Variants in TMEM176A observed in about 807,000 individuals in gnomAD.
TMEM176A encodes the protein hepatocellular carcinoma-associated antigen 112.
Under a neutral mutation model 27.9 loss-of-function variants are expected in TMEM176A, and 20 were observed. The observed-to-expected ratio is 0.72, with a 90% CI of 0.50 to 1.04. The LOEUF (loss-of-function observed/expected upper bound fraction) is 1.04. Among genes scored for constraint, TMEM176A ranks in the 50% least tolerant of loss-of-function variants. The probability of loss-of-function intolerance (pLI) is 0.00; values close to 1 mark genes in which losing one functional copy is unlikely to be tolerated. For missense variants in TMEM176A, 252 were observed against 289.1 expected (o/e 0.87, Z 0.93); for synonymous variants, 125 against 118.0 (o/e 1.06, Z -0.38).
chr7:150,803,217 C>G, intron 3 of TMEM176A, 183 bp from the exon 4 acceptor site: 1 of 1,337,460 alleles, frequency 7.5e-7, no homozygotes, highest in Non-Finnish European at 9.6e-7. Context: ...GGGCCTTTTG[C>G]AGCCTCAGGA....
intron 2 of TMEM176A, 83 bp downstream of exon 2, chr7:150,801,807 C>T: frequency 7.8e-7 from 1 of 1,282,360 alleles, no homozygotes; most frequent in Non-Finnish European, 1.0e-6. Context: ...CAGCCTCCCT[C>T]TGAACAGGAC....
chr7:150,800,969 G>A (rs1798759799), intron 1 of TMEM176A, 141 bp downstream of exon 1: 20 of 985,952 alleles, frequency 2.0e-5, no homozygotes, highest in Non-Finnish European at 2.2e-5. Context: ...AGGAAGCCAG[G>A]TGCGGCCCCG....
chr7:150,803,162 G>T (rs1230023868), intron 3 of TMEM176A: 2 of 1,251,762 alleles, frequency 1.6e-6, no homozygotes, highest in African/African-American at 1.5e-5. Flanking sequence ...GGGAAGAGGG[G>T]CTCACACCTG....
Position 150,804,938 on chromosome 7 carries a change from AAGAACC to A in TMEM176A, c.*74_*79del, listed in dbSNP as rs1798891484. 4 of 1,540,802 alleles carry A rather than the reference AAGAACC, an allele frequency of 2.6e-6. No individual in the cohort carries two copies. The highest frequency in any genetic ancestry group is 1.8e-4 in the Middle Eastern group (1 of 5,710). Reference sequence around the variant, plus strand: ...CGTCCCTGCATCTGACTGCTGGAAGAAGAACCAGACTGAGGAAAAGAGGCTCTTCAA... The same window carrying A: ...CGTCCCTGCATCTGACTGCTGGAAGAAGACTGAGGAAAAGAGGCTCTTCAA... On this transcript the variant is annotated 3_prime_UTR_variant, in exon 7 of 7. Coordinates refer to ENST00000004103, the MANE Select transcript of TMEM176A (RefSeq NM_018487.3).
chr7:150,802,408 C>A, intron 3 of TMEM176A, 83 bp downstream of exon 3: 4 of 1,234,218 alleles, frequency 3.2e-6, no homozygotes, highest in South Asian at 1.3e-5. Context: ...AACATGGCGC[C>A]ACAGAATGCT....
At chr7:150,803,280 C>T (rs1246473833) in intron 3 of TMEM176A, 120 bp from the exon 4 acceptor site, 8 of 1,427,326 alleles carry the variant, frequency 5.6e-6, no homozygotes, top group Non-Finnish European at 7.4e-6. Flanking sequence ...GATAATAAAG[C>T]TTAGCATGAA....
In TMEM176A at chr7:150,803,785, G is replaced by GA; in HGVS notation, c.510dup (p.Val171SerfsTer86). 1 of 1,614,198 alleles carries GA rather than the reference G, an allele frequency of 6.2e-7. No individual in the cohort carries two copies. Among genetic ancestry groups the GA allele is most frequent in the South Asian group, 1.1e-5 (1 of 91,082 alleles). On this transcript the variant is annotated frameshift_variant, in exon 5 of 7. Coordinates refer to ENST00000004103, the MANE Select transcript of TMEM176A (RefSeq NM_018487.3). LOFTEE classifies it high-confidence loss of function. The stretch of plus-strand genomic sequence containing the variant: ...TCCAGCCCCCACTCAGAGTCCAGAA[G>GA]AAGTCAGAAGGCTACACCTATGTAC...
chr7:150,801,706 G>C lies in TMEM176A; in HGVS notation c.156G>C (p.Arg52=). 1 of 1,549,488 alleles carries C rather than the reference G, an allele frequency of 6.5e-7. No individual in the cohort carries two copies. The highest frequency in any genetic ancestry group is 1.2e-5 in the South Asian group (1 of 83,000). The change falls in exon 2 of 7, where the codon CGG becomes CGC. Residue 52 remains arginine (R), a synonymous_variant. Coordinates refer to ENST00000004103, the MANE Select transcript of TMEM176A (RefSeq NM_018487.3). ...CCACCCAGGCCAGGGGCAGCAGCCG[G>C]CTGCTGGTGGCCTCGTGGGTGAGTG... ...PRATQARGSS[R]LLVASWVMQI...
At position 150,804,827 on chromosome 7, in the gene TMEM176A, A is replaced by C; in HGVS notation, c.667A>C (p.Lys223Gln). Residue 223 changes from lysine (K) to glutamine (Q), a missense_variant and splice_region_variant, in exon 7 of 7, where the codon AAA becomes CAA. Physicochemically the swap from Lys to Gln is moderately conservative, Grantham distance 53. Transcript: ENST00000004103. ...TGTCTTGCCTTTCCTCTTCCATTAG[A>C]AAAGAGACCAGAAGGAAATGTTGGA... Reference protein sequence around the residue: ...YCWRMFPTKGKRDQKEMLEVS... With the variant: ...YCWRMFPTKGQRDQKEMLEVS... The C allele has an allele frequency of 1.9e-6, 3 of 1,614,180 alleles. No homozygotes were observed. The highest frequency in any genetic ancestry group is 1.7e-6 in the Non-Finnish European group (2 of 1,180,014).
rs1401350700 is a variant in TMEM176A at position 150,805,025 on chromosome 7, T to C, written c.*157T>C. 5 of 732,656 alleles carry C rather than the reference T, an allele frequency of 6.8e-6. No individual in the cohort carries two copies. The highest frequency in any genetic ancestry group is 1.2e-5 in the Non-Finnish European group (5 of 420,034). The allele number at this position is 732,656 out of a possible 1,614,324, so 45.4% of individuals were successfully genotyped here. The stretch of plus-strand genomic sequence containing the variant: ...GGCCACAGCCCTGCTCCAGCAGCAC[T>C]TGCCCATTCCTTACACCCCTTCCCC... On this transcript the variant is annotated 3_prime_UTR_variant, in exon 7 of 7. Coordinates refer to ENST00000004103, the MANE Select transcript of TMEM176A (RefSeq NM_018487.3).
chr7:150,802,453 C>A (rs2116737090), intron 3 of TMEM176A, 128 bp downstream of exon 3: 2 of 869,094 alleles, frequency 2.3e-6, no homozygotes, highest in Non-Finnish European at 1.8e-6. Flanking sequence ...TAGGACCATT[C>A]CCTGCCTGTT....
chr7:150,803,370 A>G (rs1256444657), intron 3 of TMEM176A, 30 bp from the exon 4 acceptor site: 1 of 1,546,174 alleles, frequency 6.5e-7, no homozygotes, highest in Non-Finnish European at 8.7e-7. Context: ...TTCCTGTACT[A>G]AGCCTGCTCC....
At chr7:150,803,512 A>G in intron 4 of TMEM176A, 56 bp downstream of exon 4, 2 of 1,575,270 alleles carry the variant, frequency 1.3e-6, no homozygotes, top group Non-Finnish European at 1.7e-6. Flanking sequence ...GGTCACCCCA[A>G]TCTCCTGCCC....
In TMEM176A at chr7:150,802,328, G is replaced by A. The variant is rs779456392; in HGVS notation, c.285+3G>A. The A allele has an allele frequency of 6.2e-7, 1 of 1,613,696 alleles. No homozygotes were observed. Among genetic ancestry groups the A allele is most frequent in the Non-Finnish European group, 8.5e-7 (1 of 1,179,680 alleles). Reference sequence around the variant, plus strand: ...CTGCCATCTGGACAGGGGCTGTGGTGAGTAGAGCAGGACAGTGCTTGACTG... The same window carrying A: ...CTGCCATCTGGACAGGGGCTGTGGTAAGTAGAGCAGGACAGTGCTTGACTG... On this transcript the variant is annotated splice_donor_region_variant and intron_variant, in intron 3 of 6. Transcript: ENST00000004103.
At chr7:150,803,314 G>A (rs1399910227) in intron 3 of TMEM176A, 86 bp from the exon 4 acceptor site, 5 of 1,487,366 alleles carry the variant, frequency 3.4e-6, no homozygotes, top group Non-Finnish European at 4.5e-6. Flanking sequence ...GCTGTGTGCT[G>A]GGGAAGGGCC....
chr7:150,801,004 A>G (rs1236168535), intron 1 of TMEM176A, 176 bp downstream of exon 1: 12 of 985,398 alleles, frequency 1.2e-5, no homozygotes, highest in Non-Finnish European at 1.4e-5. Flanking sequence ...TCCGCACCGC[A>G]GCGCGGTCCT....
intron 5 of TMEM176A, 69 bp from the exon 6 acceptor site, chr7:150,804,293 G>A: frequency 7.8e-7 from 1 of 1,286,426 alleles, no homozygotes; most frequent in Non-Finnish European, 1.1e-6. Flanking sequence ...AGGTCAATAA[G>A]GAGCATGGGG....
At position 150,804,372 on chromosome 7, in the gene TMEM176A, G is replaced by A. The variant is rs749394608; in HGVS notation, c.566G>A (p.Arg189Lys). 7 of 1,614,034 alleles carry A rather than the reference G, an allele frequency of 4.3e-6. No individual in the cohort carries two copies. Residue 189 changes from arginine to lysine, a missense_variant, in exon 6 of 7, where the codon AGA (arginine) becomes AAA (lysine). By Grantham distance (26) the Arg-to-Lys change is conservative. Coordinates refer to ENST00000004103, the MANE Select transcript of TMEM176A (RefSeq NM_018487.3). ...SFMDMLKALF[R>K]TLQAMLLGVW... ...GCCCTCTGTCCCCAGGCCTTGTTCA[G>A]AACCCTTCAGGCCATGCTCTTGGGT...
chr7:150,802,834 T>A, intron 3 of TMEM176A: 1 of 988,962 alleles, frequency 1.0e-6, no homozygotes, highest in Non-Finnish European at 1.2e-6. Context: ...AAAACACTCA[T>A]ATTTACTGAC....
Sources: gnomAD v4.1 joint callset for allele counts on GRCh38, gnomAD v4.1.1 for gene constraint, MANE v1.5 for transcripts, NCBI Gene and HGNC (gene_info 2026-07-23, HGNC 2026-07-21) for gene names.